The following SGSM1 variants were observed in gnomAD, a reference collection of about 807,000 sequenced individuals.
SGSM1 encodes small G protein signaling modulator 1, also known as RUN and TBC1 domain containing 2.
In SGSM1, 73 loss-of-function variants were observed where a neutral mutation model predicts 133.8. The observed-to-expected ratio is 0.55, with a 90% confidence interval of 0.45 to 0.66. The LOEUF is 0.66. Ranked by LOEUF, SGSM1 falls within the 30% of genes least tolerant of loss-of-function variation. SGSM1 has a pLI of 0.00. For missense variants in SGSM1, 1,213 were observed against 1,448.1 expected (o/e 0.84, Z 2.64); for synonymous variants, 563 against 573.0 (o/e 0.98, Z 0.25).
chr22:24,821,434 G>A (rs879777093), intron 2 of SGSM1, among the ~76,000 whole-genome samples: 2 of 152,236 alleles, frequency 1.3e-5, no homozygotes, highest in African/African-American at 4.8e-5. Flanking sequence ...AGGGAGGAAC[G>A]TGCAGCATTG....
At chr22:24,870,787 T>C (rs1474745269) in intron 12 of SGSM1, among the ~76,000 whole-genome samples, 1 of 152,232 alleles carries the variant, frequency 6.6e-6, no homozygotes, top group African/African-American at 2.4e-5. Flanking sequence ...AGTGTATCAA[T>C]ATCCCAGCTC....
rs1043639779 is a variant in SGSM1 at position 24,922,168 on chromosome 22, G to A, written c.3194-2018G>A. ...TCTATTCCATATTGATTTTCACATG[G>A]CACTTACTTTCTTTTTTTTTTTTTT... On this transcript the variant is annotated intron_variant, in intron 24 of 24. Transcript: ENST00000400358. 2.0e-5 allele frequency among the ~76,000 whole-genome samples: 3 copies of A among 149,742 alleles called. No homozygotes were observed. The South Asian group carries it at 6.3e-4, about 32-fold the overall frequency.
intron 17 of SGSM1, among the ~76,000 whole-genome samples, chr22:24,894,730 C>T (rs1238102388): frequency 6.6e-6 from 1 of 152,088 alleles, no homozygotes; most frequent in Non-Finnish European, 1.5e-5. Context: ...AGAGAGAAAG[C>T]GGAAATGCAC....
chr22:24,861,997 C>G (rs1316767812), intron 9 of SGSM1, among the ~76,000 whole-genome samples: 1 of 149,696 alleles, frequency 6.7e-6, no homozygotes, highest in Non-Finnish European at 1.5e-5. Context: ...TCTTGTTGCC[C>G]AGGCTGGAGT....
At chr22:24,850,460 C>A (rs771538065) in intron 5 of SGSM1, 28 bp downstream of exon 5, 5 of 1,610,462 alleles carry the variant, frequency 3.1e-6, no homozygotes, top group Non-Finnish European at 4.2e-6. Context: ...GACACCTGGC[C>A]ATGCTCTGCC....
Position 24,837,591 on chromosome 22 carries a change from CT to C in SGSM1, c.64-7303del, listed in dbSNP as rs1569140687. On this transcript the variant is annotated intron_variant, in intron 2 of 24. Coordinates refer to ENST00000400358, the MANE Select transcript of SGSM1 (RefSeq NM_001098497.3). Reference sequence around the variant, plus strand: ...GGGGAAAGGGAGACCCCCCCCCCCCCTTTCCCAGTCTGCTAAGTAGCGGGTG... The same window carrying C: ...GGGGAAAGGGAGACCCCCCCCCCCCCTTCCCAGTCTGCTAAGTAGCGGGTG... 1.1e-4 allele frequency among the ~76,000 whole-genome samples: 12 copies of C among 109,600 alleles called. No individual in the cohort carries two copies. The South Asian group carries it at 2.5e-3, about 23-fold the overall frequency. 71.9% of individuals were successfully genotyped at this position (109,600 alleles called of 152,430 possible).
At chr22:24,885,779 G>A (rs7285904) in intron 15 of SGSM1, among the ~76,000 whole-genome samples, 3,562 of 152,260 alleles carry the variant, frequency 0.023, 107 homozygotes, top group African/African-American at 0.08. Flanking sequence ...ACATCTCTGT[G>A]TTGCGTACCC....
intron 21 of SGSM1, among the ~76,000 whole-genome samples, chr22:24,910,727 T>C (rs968958720): frequency 2.6e-5 from 4 of 152,076 alleles, no homozygotes; most frequent in Non-Finnish European, 4.4e-5. Flanking sequence ...GGTGGATCAC[T>C]TGAGGTCAGG....
intron 2 of SGSM1, among the ~76,000 whole-genome samples, chr22:24,811,624 G>A (rs1431025743): frequency 1.3e-5 from 2 of 152,102 alleles, no homozygotes; most frequent in Admixed American, 6.5e-5. Flanking sequence ...CCAGCCCTTT[G>A]GGAGGCCAAG....
At chr22:24,809,138 C>T (rs1042612845) in intron 2 of SGSM1, among the ~76,000 whole-genome samples, 1 of 152,150 alleles carries the variant, frequency 6.6e-6, no homozygotes, top group South Asian at 2.1e-4. Flanking sequence ...CAACTCGGTG[C>T]CCCCCAAAGC....
chr22:24,888,657 T>C (rs1332896669), intron 16 of SGSM1, among the ~76,000 whole-genome samples: 1 of 151,966 alleles, frequency 6.6e-6, no homozygotes, highest in Non-Finnish European at 1.5e-5. Flanking sequence ...CGGGCGCCTG[T>C]AGTCCCAGCT....
chr22:24,823,248 A>G (rs944050502), intron 2 of SGSM1, among the ~76,000 whole-genome samples: 2 of 152,236 alleles, frequency 1.3e-5, no homozygotes, highest in Non-Finnish European at 2.9e-5. Context: ...TTATAAATAA[A>G]TGCTGGCTAT....
intron 23 of SGSM1, among the ~76,000 whole-genome samples, chr22:24,919,126 G>A (rs561239706): frequency 7.3e-6 from 1 of 137,650 alleles, no homozygotes; most frequent in African/African-American, 2.8e-5. Flanking sequence ...TCGGCTTACT[G>A]CAGCCTCCAC....
chr22:24,821,521 C>G (rs1051422175), intron 2 of SGSM1, among the ~76,000 whole-genome samples: 1 of 152,144 alleles, frequency 6.6e-6, no homozygotes, highest in Non-Finnish European at 1.5e-5. Context: ...CCCTGAATGT[C>G]CCCCTGGGGA....
At chr22:24,892,236 G>A (rs1318886378) in intron 16 of SGSM1, among the ~76,000 whole-genome samples, 1 of 152,068 alleles carries the variant, frequency 6.6e-6, no homozygotes, top group East Asian at 1.9e-4. Flanking sequence ...GAGGCCCTTG[G>A]GCAGGATGGA....
At chr22:24,812,054 C>T (rs1272910755) in intron 2 of SGSM1, among the ~76,000 whole-genome samples, 1 of 151,392 alleles carries the variant, frequency 6.6e-6, no homozygotes, top group African/African-American at 2.4e-5. Flanking sequence ...CCTGTAATCT[C>T]AGCTACTCGG....
chr22:24,844,690 TA>T lies in SGSM1; in HGVS notation c.64-205del, dbSNP rs200787539. 2.0e-3 allele frequency: 1,143 copies of T among 559,292 alleles called. 10 individuals are homozygous for T. Among genetic ancestry groups the T allele is most frequent in the African/African-American group, 0.018 (971 of 53,040 alleles). 34.6% of individuals were successfully genotyped at this position (559,292 alleles called of 1,614,324 possible). A position where few individuals can be genotyped will look rare whatever the true frequency, so the allele number is the denominator to read the frequency against. On this transcript the variant is annotated intron_variant, in intron 2 of 24. Coordinates refer to ENST00000400358, the MANE Select transcript of SGSM1 (RefSeq NM_001098497.3). ...CTGCTGTGTGAAGAACCTGAACGAA[TA>T]ATTGATAAAATGAGAAGCATGGAGC... is the stretch of plus-strand genomic sequence containing the variant.
At chr22:24,910,574 G>A (rs1933582639) in intron 21 of SGSM1, among the ~76,000 whole-genome samples, 1 of 152,244 alleles carries the variant, frequency 6.6e-6, no homozygotes. Flanking sequence ...TTGAGCCCAG[G>A]AGTTGGAGGT....
At chr22:24,909,590 G>A (rs1933542510) in intron 21 of SGSM1, among the ~76,000 whole-genome samples, 1 of 151,882 alleles carries the variant, frequency 6.6e-6, no homozygotes, top group African/African-American at 2.4e-5. Flanking sequence ...CAAGTAGCTG[G>A]GATTACAGGC....
Sources: allele counts gnomAD v4.1 joint callset (sites outside exome capture counted in the v4.1 genomes callset), GRCh38; gene constraint gnomAD v4.1.1; transcripts MANE v1.5; gene names NCBI Gene and HGNC (gene_info 2026-07-23, HGNC 2026-07-21).